CCDC88C: variants seen among roughly 807,000 people sequenced by gnomAD.
CCDC88C encodes protein Daple.
A neutral mutation model predicts 198.8 loss-of-function variants in CCDC88C; 131 were observed. That is an observed-to-expected ratio of 0.66 (90% CI 0.57 to 0.76). CCDC88C has a LOEUF of 0.76. CCDC88C is among the 30% of genes least tolerant of loss of function. The probability of loss-of-function intolerance (pLI) is 0.00; values close to 1 mark genes in which losing one functional copy is unlikely to be tolerated. For synonymous variants in CCDC88C, 1,166 were observed against 1,114.7 expected (o/e 1.05, Z -0.92); for missense variants, 2,553 against 2,631.6 (o/e 0.97, Z 0.65).
chr14:91,393,367 G>A (rs1250790740), intron 3 of CCDC88C, among the ~76,000 whole-genome samples: 4 of 152,168 alleles, frequency 2.6e-5, no homozygotes, highest in Non-Finnish European at 5.9e-5. Flanking sequence ...AGGCAGAGGG[G>A]CAGATGAGGC....
rs1470125274 is a variant in CCDC88C, at chr14:91,381,628, T to A, written c.271-21917A>T. Among the ~76,000 whole-genome samples, 2 of 152,046 alleles carry A rather than the reference T, an allele frequency of 1.3e-5. No homozygotes were observed. The highest frequency in any genetic ancestry group is 4.8e-5 in the African/African-American group (2 of 41,386). On this transcript the variant is annotated intron_variant, in intron 3 of 29. Transcript: ENST00000389857. The surrounding 1 kb of genome is among the most constrained non-coding windows in gnomAD (Gnocchi z 4.2). ...TGGGTGGATCAATTGAAGTCAGGAG[T>A]TCGAGACCACCCTGGCCAACTTGGT...
chr14:91,386,809 T>A (rs1423559123), intron 3 of CCDC88C, among the ~76,000 whole-genome samples: 1 of 152,194 alleles, frequency 6.6e-6, no homozygotes. Context: ...TCTGCATTCA[T>A]GGGCTATGAC....
rs551858979 is a variant in CCDC88C at position 91,341,282 on chromosome 14, A to G, written c.483+1098T>C. ...CTTGGACATCTCGGGGCCTCTGTAA[A>G]GGGTGGTGTGGCTGGGCTTCAGGGG... On this transcript the variant is annotated intron_variant, in intron 6 of 29. Transcript: ENST00000389857. Among the ~76,000 whole-genome samples, 27 of 152,302 alleles carry G rather than the reference A, an allele frequency of 1.8e-4. No homozygotes were observed. In the East Asian group the frequency reaches 4.8e-3, roughly 27 times the overall value.
chr14:91,275,755 A>G (rs1889931492), intron 29 of CCDC88C, among the ~76,000 whole-genome samples: 1 of 150,408 alleles, frequency 6.6e-6, no homozygotes, highest in Middle Eastern at 3.2e-3. Flanking sequence ...GATCCACCCA[A>G]CTCAGCCTCC....
intron 3 of CCDC88C, among the ~76,000 whole-genome samples, chr14:91,391,752 C>T (rs191729386): frequency 4.5e-4 from 69 of 152,162 alleles, no homozygotes; most frequent in African/African-American, 1.6e-3. Flanking sequence ...GTACTCCAGC[C>T]TGGGTGACAG....
At position 91,303,732 on chromosome 14, in the gene CCDC88C, G is replaced by T. The variant is rs753983168; in HGVS notation, c.3604C>A (p.Leu1202Met). The part of the protein sequence containing the change: ...HSCLKTLHRN[L>M]ELEHKELGER... Reference sequence around the variant, plus strand: ...CCGAGCTCCTTGTGCTCCAGCTCCAGATTCCGATGCAGTGTCTTTAGGCAG... The same window carrying T: ...CCGAGCTCCTTGTGCTCCAGCTCCATATTCCGATGCAGTGTCTTTAGGCAG... Residue 1202 changes from leucine to methionine, a missense_variant, in exon 20 of 30, where the codon CTG becomes ATG. Physicochemically the swap from Leu to Met is conservative, Grantham distance 15. This residue lies in a region of CCDC88C where 1,293 missense variants were observed against 1,219.6 expected (regional missense o/e 1.06). Transcript: ENST00000389857. The T allele has an allele frequency of 3.1e-6, 5 of 1,604,806 alleles. No homozygotes were observed. The highest frequency in any genetic ancestry group is 1.7e-4 in the Middle Eastern group (1 of 6,050).
chr14:91,325,985 C>A lies in CCDC88C; in HGVS notation c.1122G>T (p.Arg374=), dbSNP rs1343960628. 1 of 1,594,192 alleles carries A rather than the reference C, an allele frequency of 6.3e-7. No individual in the cohort carries two copies. The highest frequency in any genetic ancestry group is 8.5e-7 in the Non-Finnish European group (1 of 1,169,674). ...GCTCATGGACTTTATCGCCCCGGGC[C>A]CGAGCAGCAGTCAGCTGTTCCTCCA... The part of the protein sequence containing the change: ...AMLEEQLTAA[R]ARGDKVHELE... Residue 374 remains arginine (R), a synonymous_variant, in exon 11 of 30, where the codon CGG becomes CGT. Transcript: ENST00000389857. The surrounding 1 kb of genome is among the most constrained non-coding windows in gnomAD (Gnocchi z 4.1).
chr14:91,373,027 C>A (rs990582126), intron 3 of CCDC88C, among the ~76,000 whole-genome samples: 1 of 152,132 alleles, frequency 6.6e-6, no homozygotes, highest in African/African-American at 2.4e-5. Flanking sequence ...GGGGCAAACA[C>A]AGGAAGCCAC....
At chr14:91,383,356 A>G (rs146485803) in intron 3 of CCDC88C, among the ~76,000 whole-genome samples, 2 of 152,210 alleles carry the variant, frequency 1.3e-5, no homozygotes, top group Non-Finnish European at 2.9e-5. Context: ...GGCCATGAAC[A>G]GAACCCCCAA....
At chr14:91,360,215 C>T (rs1894244118) in intron 3 of CCDC88C, among the ~76,000 whole-genome samples, 1 of 150,198 alleles carries the variant, frequency 6.7e-6, no homozygotes, top group Non-Finnish European at 1.5e-5. Flanking sequence ...GCCAGGATTT[C>T]GAGACCAAGC....
Position 91,315,807 on chromosome 14 carries a change from A to G in CCDC88C, c.1528-20T>C, listed in dbSNP as rs1412517652. ...TTCAATCTGCAGAACCAAAAGACCC[A>G]GCCCAGTGCAGACATCAGTCCTACG... On this transcript the variant is annotated intron_variant, in intron 13 of 29. Coordinates refer to ENST00000389857, the MANE Select transcript of CCDC88C (RefSeq NM_001080414.4). The G allele has an allele frequency of 2.5e-6, 4 of 1,606,720 alleles. No individual in the cohort carries two copies. The highest frequency in any genetic ancestry group is 3.4e-5 in the Admixed American group (2 of 58,850).
rs1384632012 is a variant in CCDC88C, at chr14:91,294,195, G to A, written c.4090C>T (p.His1364Tyr). The A allele has an allele frequency of 1.2e-6, 2 of 1,614,016 alleles. No individual in the cohort carries two copies. The highest frequency in any genetic ancestry group is 1.1e-5 in the South Asian group (1 of 91,086). ...EQNMENKEQYHEEQKQYIDKL... is the reference protein window; with the variant it reads ...EQNMENKEQYYEEQKQYIDKL... ...TACATGTACTGCTTCTGCTCCTCAT[G>A]GTACTGCTCCTTGTTCTCCATGTTC... Residue 1364 changes from histidine to tyrosine, a missense_variant, in exon 23 of 30, where the codon CAT (histidine) becomes TAT (tyrosine). Around this residue, in one of 2 missense-constraint regions of CCDC88C, gnomAD observed 1,293 missense variants for 1,219.6 expected, o/e 1.06. Transcript: ENST00000389857.
intron 3 of CCDC88C, among the ~76,000 whole-genome samples, chr14:91,364,391 CG>C (rs2139913520): frequency 6.6e-6 from 1 of 152,306 alleles, no homozygotes; most frequent in East Asian, 1.9e-4. Flanking sequence ...AATGACTCCT[CG>C]GCCAATTAAA....
At position 91,359,509 on chromosome 14, in the gene CCDC88C, A is replaced by C. The variant is rs1894201786; in HGVS notation, c.340+133T>G. The C allele has an allele frequency of 7.1e-6, 5 of 700,458 alleles. No homozygotes were observed. The East Asian group carries it at 1.4e-4, about 19-fold the overall frequency. 43.4% of individuals were successfully genotyped at this position (700,458 alleles called of 1,614,324 possible). On this transcript the variant is annotated intron_variant, in intron 4 of 29. Coordinates refer to ENST00000389857, the MANE Select transcript of CCDC88C (RefSeq NM_001080414.4). ...TCAGGGTAATGAACCCACTCTTTAA[A>C]ATCTCACCAAAACGATCACGTGTTT...
At chr14:91,410,192 T>G (rs1567128815) in intron 2 of CCDC88C, among the ~76,000 whole-genome samples, 1 of 152,248 alleles carries the variant, frequency 6.6e-6, no homozygotes, top group Non-Finnish European at 1.5e-5. Flanking sequence ...TCAGCATTAC[T>G]GAGTTCGCTT....
In CCDC88C at chr14:91,349,510, C is replaced by T. The variant is rs1473641340; in HGVS notation, c.341-5853G>A. On this transcript the variant is annotated intron_variant, in intron 4 of 29. Coordinates refer to ENST00000389857, the MANE Select transcript of CCDC88C (RefSeq NM_001080414.4). ...TTATAAAACGACGTGAATTTCTACA[C>T]CAAAAAAGTCACAAGCAACCACTGC... Among the ~76,000 whole-genome samples the T allele has an allele frequency of 2.6e-5, 4 of 152,304 alleles. 1 individual carries two copies. In the East Asian group the frequency reaches 7.7e-4, roughly 29 times the overall value.
rs998969773 is a variant in CCDC88C at position 91,272,022 on chromosome 14, C to T, written c.*603G>A. ...AATGGCCAAGGCCACCGCCAGCTGC[C>T]CTGCAGGCTGCCCTGGGTCCTGGGG... On this transcript the variant is annotated 3_prime_UTR_variant, in exon 30 of 30. Coordinates refer to ENST00000389857, the MANE Select transcript of CCDC88C (RefSeq NM_001080414.4). 6.5e-6 allele frequency: 1 copy of T among 152,798 alleles called. No individual in the cohort carries two copies. The highest frequency in any genetic ancestry group is 6.5e-5 in the Admixed American group (1 of 15,296). The allele number at this position is 152,798 out of a possible 1,614,324, so 9.5% of individuals were successfully genotyped here.
At chr14:91,354,214 C>T (rs1893940144) in intron 4 of CCDC88C, among the ~76,000 whole-genome samples, 1 of 152,222 alleles carries the variant, frequency 6.6e-6, no homozygotes. Context: ...AAAAACAATG[C>T]TTTCTTCCAG....
rs955211585 is a variant in CCDC88C, at chr14:91,379,990, C to A, written c.271-20279G>T. 4 of 663,090 alleles carry A rather than the reference C, an allele frequency of 6.0e-6. No homozygotes were observed. The African/African-American group carries it at 7.8e-5, about 13-fold the overall frequency. The allele number at this position is 663,090 out of a possible 1,614,324, so 41.1% of individuals were successfully genotyped here. A position where few individuals can be genotyped will look rare whatever the true frequency, so the allele number is the denominator to read the frequency against. On this transcript the variant is annotated intron_variant, in intron 3 of 29. Transcript: ENST00000389857. Reference sequence around the variant, plus strand: ...AGGGGTAAAACTGTTGGGAACTGCGCGAGCCCACCGTGAGAACCAACTCCA... The same window carrying A: ...AGGGGTAAAACTGTTGGGAACTGCGAGAGCCCACCGTGAGAACCAACTCCA...
Sources: allele counts gnomAD v4.1 joint callset (sites outside exome capture counted in the v4.1 genomes callset), GRCh38; gene constraint gnomAD v4.1.1; regional missense constraint gnomAD v4.1.1; non-coding constraint Gnocchi (gnomAD v3.1); transcripts MANE v1.5; gene names NCBI Gene and HGNC (gene_info 2026-07-23, HGNC 2026-07-21).